Variants in GPRASP3 observed in about 807,000 individuals in gnomAD.
The protein encoded by GPRASP3 is G protein-coupled receptor associated sorting protein 3.
the GPRASP3 span, among the ~76,000 whole-genome samples, chrX:102,726,879 T>G: frequency 3.0e-4 from 34 of 112,726 alleles, no homozygotes; most frequent in Non-Finnish European, 6.0e-4. Flanking sequence ...GGCTTCTGCC[T>G]AAAGCTTTAC....
the GPRASP3 span, chrX:102,749,650 A>C: frequency 9.9e-6 from 12 of 1,209,890 alleles, no homozygotes; most frequent in Middle Eastern, 4.6e-4. Flanking sequence ...TGAGGTAACT[A>C]TCTGGCCCAA....
the GPRASP3 span, among the ~76,000 whole-genome samples, chrX:102,731,827 A>G: frequency 9.0e-6 from 1 of 111,356 alleles, no homozygotes; most frequent in Non-Finnish European, 1.9e-5. Context: ...GGAAGTGAGC[A>G]CGCACAGTGT....
At chrX:102,744,099 G>A in the GPRASP3 span, among the ~76,000 whole-genome samples, 16 of 111,532 alleles carry the variant, frequency 1.4e-4, no homozygotes, top group Non-Finnish European at 2.4e-4. Flanking sequence ...AAACTGTAAA[G>A]TAAATGTCTC....
At chrX:102,726,283 G>T in the GPRASP3 span, among the ~76,000 whole-genome samples, 3 of 112,464 alleles carry the variant, frequency 2.7e-5, no homozygotes, top group South Asian at 1.1e-3. Context: ...TGGAGCTGAT[G>T]TGCATTACTT....
chrX:102,744,985 G>C, the GPRASP3 span, among the ~76,000 whole-genome samples: 2 of 111,452 alleles, frequency 1.8e-5, no homozygotes, highest in Non-Finnish European at 3.8e-5. Context: ...TTGGAAGGGA[G>C]AGTAAAAAAA....
At chrX:102,748,895 A>C in the GPRASP3 span, 3 of 896,075 alleles carry the variant, frequency 3.3e-6, no homozygotes, top group Non-Finnish European at 4.6e-6. Flanking sequence ...CTTGCTACCA[A>C]GTTTTTCCCC....
the GPRASP3 span, among the ~76,000 whole-genome samples, chrX:102,732,595 T>C: frequency 2.7e-4 from 30 of 112,402 alleles, no homozygotes; most frequent in African/African-American, 9.7e-4. Flanking sequence ...ATAGTAGGTA[T>C]ATAATAATTT....
chrX:102,750,462 A>G, the GPRASP3 span: 1 of 1,209,405 alleles, frequency 8.3e-7, no homozygotes, highest in Admixed American at 2.2e-5. Flanking sequence ...CATTGGCAGC[A>G]TTAAAACTCA....
chrX:102,740,251 A>G, the GPRASP3 span, among the ~76,000 whole-genome samples: 3 of 111,545 alleles, frequency 2.7e-5, no homozygotes, highest in Non-Finnish European at 5.7e-5. Context: ...TGAGAAATCA[A>G]CCACAAAAAG....
the GPRASP3 span, among the ~76,000 whole-genome samples, chrX:102,740,164 C>G: frequency 8.9e-6 from 1 of 111,859 alleles, no homozygotes; most frequent in Non-Finnish European, 1.9e-5. Context: ...TCTAGGAGGG[C>G]CATTTAATGC....
chrX:102,746,920 A>G, the GPRASP3 span, among the ~76,000 whole-genome samples: 4 of 112,283 alleles, frequency 3.6e-5, no homozygotes, highest in Non-Finnish European at 7.5e-5. Flanking sequence ...ACAGGGTAGT[A>G]TTTTTCCACC....
chrX:102,732,485 T>C, the GPRASP3 span, among the ~76,000 whole-genome samples: 3 of 112,062 alleles, frequency 2.7e-5, no homozygotes, highest in Non-Finnish European at 5.6e-5. Flanking sequence ...TTGTTTCTTC[T>C]GAGCTGCATC....
chrX:102,750,057 C>T, the GPRASP3 span: 2 of 1,201,395 alleles, frequency 1.7e-6, no homozygotes, highest in Middle Eastern at 2.3e-4. Context: ...ATAATGTTCA[C>T]CCATTTGCCC....
At chrX:102,723,050 A>T in the GPRASP3 span, among the ~76,000 whole-genome samples, 1 of 112,185 alleles carries the variant, frequency 8.9e-6, no homozygotes, top group African/African-American at 3.2e-5. Flanking sequence ...TACATTACAC[A>T]TTCTATGCTT....
the GPRASP3 span, among the ~76,000 whole-genome samples, chrX:102,729,185 C>G: frequency 8.9e-6 from 1 of 111,765 alleles, no homozygotes; most frequent in Non-Finnish European, 1.9e-5. Context: ...GGGAAGGGAA[C>G]TGTACTTTTG....
the GPRASP3 span, chrX:102,752,257 G>T: frequency 4.9e-5 from 6 of 122,930 alleles, no homozygotes; most frequent in African/African-American, 2.0e-4. Flanking sequence ...CTCAGGGTGG[G>T]AATTATAATC....
the GPRASP3 span, among the ~76,000 whole-genome samples, chrX:102,729,375 C>G: frequency 2.7e-5 from 3 of 111,715 alleles, no homozygotes; most frequent in African/African-American, 9.8e-5. Context: ...TTATGAAAAT[C>G]AAAGCCCAGG....
chrX:102,744,221 T>C, the GPRASP3 span, among the ~76,000 whole-genome samples: 1 of 112,489 alleles, frequency 8.9e-6, no homozygotes, highest in East Asian at 2.8e-4. Flanking sequence ...CTCATTGTTA[T>C]AATTTTTGCA....
the GPRASP3 span, among the ~76,000 whole-genome samples, chrX:102,731,834 G>A: frequency 9.0e-6 from 1 of 111,597 alleles, no homozygotes; most frequent in Admixed American, 9.5e-5. Context: ...AGCACGCACA[G>A]TGTGTTTAGA....
Sources: gnomAD v4.1 joint callset for allele counts (sites outside exome capture counted in the v4.1 genomes callset) on GRCh38, gnomAD v4.1.1 for gene constraint, MANE v1.5 for transcripts, NCBI Gene and HGNC (gene_info 2026-07-23, HGNC 2026-07-21) for gene names.